The following ID2 variants were observed in gnomAD, a reference collection of about 807,000 sequenced individuals.
ID2 encodes inhibitor of DNA binding 2.
In ID2, 2 loss-of-function variants were observed where a neutral mutation model predicts 8.3. The observed-to-expected ratio is 0.24, with a 90% CI of 0.10 to 0.76. ID2 has a LOEUF of 0.76. ID2 is among the 30% of genes least tolerant of loss of function. The probability of loss-of-function intolerance (pLI) is 0.73; values close to 1 mark genes in which losing one functional copy is unlikely to be tolerated. For missense variants in ID2, 155 were observed against 167.0 expected (o/e 0.93, Z 0.40); for synonymous variants, 112 against 72.3 (o/e 1.55, Z -2.79).
chr2:8,684,040 G>C lies in ID2; in HGVS notation c.*363G>C, dbSNP rs955700680. 6.6e-6 allele frequency: 1 copy of C among 152,436 alleles called. No individual in the cohort carries two copies. Among genetic ancestry groups the C allele is most frequent in the African/African-American group, 2.4e-5 (1 of 41,426 alleles). 9.4% of individuals were successfully genotyped at this position (152,436 alleles called of 1,614,324 possible). ...TTTCAAAGGTGGAGCGTGAATACCA[G>C]AAGGATCCAGTATTCAGTCACTTAA... On this transcript the variant is annotated 3_prime_UTR_variant, in exon 3 of 3. Transcript: ENST00000396290.
intron 2 of ID2, 121 bp from the exon 3 acceptor site, chr2:8,683,564 G>A (rs1662153952): frequency 6.6e-6 from 1 of 152,250 alleles, no homozygotes; most frequent in Non-Finnish European, 1.5e-5. Flanking sequence ...GCCAGGGTTT[G>A]CCCAATCTTT....
chr2:8,682,718 G>A (rs1662116230), intron 1 of ID2, 125 bp from the exon 2 acceptor site: 5 of 767,134 alleles, frequency 6.5e-6, no homozygotes. Flanking sequence ...AATCTGAATT[G>A]TTACCATAAA....
At position 8,682,521 on chromosome 2, in the gene ID2, C is replaced by T. The variant is rs751759340; in HGVS notation, c.348+8C>T. On this transcript the variant is annotated splice_region_variant and intron_variant, in intron 1 of 2. Transcript: ENST00000396290. Reference sequence around the variant, plus strand: ...AGCATCCTGTCCTTGCAGGTAAGACCTGCTCCGGGGTCCCCGCCCCGCCGC... The same window carrying T: ...AGCATCCTGTCCTTGCAGGTAAGACTTGCTCCGGGGTCCCCGCCCCGCCGC... 1.2e-6 allele frequency: 2 copies of T among 1,604,104 alleles called. No homozygotes were observed. Among genetic ancestry groups the T allele is most frequent in the Non-Finnish European group, 1.7e-6 (2 of 1,173,398 alleles).
rs1426984585 is a variant in ID2 at position 8,683,948 on chromosome 2, TC to T, written c.*274del. On this transcript the variant is annotated 3_prime_UTR_variant, in exon 3 of 3. Coordinates refer to ENST00000396290, the MANE Select transcript of ID2 (RefSeq NM_002166.5). ...TTGGAAGGTTTTCTTTATATACTAT[TC>T]CCACCATGGGGAGCGAAAACGTTAA... 4 of 152,500 alleles carry T rather than the reference TC, an allele frequency of 2.6e-5. No homozygotes were observed. Among genetic ancestry groups the T allele is most frequent in the Non-Finnish European group, 5.9e-5 (4 of 68,048 alleles). 9.4% of individuals were successfully genotyped at this position (152,500 alleles called of 1,614,324 possible). A position where few individuals can be genotyped will look rare whatever the true frequency, so the allele number is the denominator to read the frequency against.
chr2:8,683,000 C>T lies in ID2; in HGVS notation c.*7+94C>T, dbSNP rs902126096. Reference sequence around the variant, plus strand: ...TTTTGCTTGTGTATCTATAAAATGTCTGATTTGGTAAATGCATGCTTACTT... The same window carrying T: ...TTTTGCTTGTGTATCTATAAAATGTTTGATTTGGTAAATGCATGCTTACTT... On this transcript the variant is annotated intron_variant, in intron 2 of 2. Transcript: ENST00000396290. 33 of 937,086 alleles carry T rather than the reference C, an allele frequency of 3.5e-5. 1 individual carries two copies. Among genetic ancestry groups the T allele is most frequent in the South Asian group, 3.2e-4 (25 of 77,380 alleles). The allele number at this position is 937,086 out of a possible 1,614,324, so 58.0% of individuals were successfully genotyped here. A position where few individuals can be genotyped will look rare whatever the true frequency, so the allele number is the denominator to read the frequency against.
At position 8,682,904 on chromosome 2, in the gene ID2, G is replaced by A. The variant is rs755701807; in HGVS notation, c.*5G>A. On this transcript the variant is annotated splice_region_variant and 3_prime_UTR_variant, in exon 2 of 3. Coordinates refer to ENST00000396290, the MANE Select transcript of ID2 (RefSeq NM_002166.5). ...AGCAAAGCACTGTGTGGCTGAATAA[G>A]CGGTGAGTGTTTGCTTGTGCCACCC... 1 of 1,613,448 alleles carries A rather than the reference G, an allele frequency of 6.2e-7. No individual in the cohort carries two copies. The highest frequency in any genetic ancestry group is 8.5e-7 in the Non-Finnish European group (1 of 1,179,400).
chr2:8,684,447 A>AAGTC lies in ID2; in HGVS notation c.*772_*775dup, dbSNP rs1662190272. On this transcript the variant is annotated 3_prime_UTR_variant, in exon 3 of 3. Transcript: ENST00000396290. ...ATAAGATTATAATAAAACATGTCTG[A>AAGTC]AGTCAATACCTGAATTCCGAGTGGT... The AAGTC allele has an allele frequency of 6.6e-6, 1 of 151,858 alleles. No homozygotes were observed. Among genetic ancestry groups the AAGTC allele is most frequent in the African/African-American group, 2.4e-5 (1 of 41,088 alleles). The allele number at this position is 151,858 out of a possible 1,614,324, so 9.4% of individuals were successfully genotyped here.
At chr2:8,682,781 A>AC in intron 1 of ID2, 62 bp from the exon 2 acceptor site, 11 of 1,250,664 alleles carry the variant, frequency 8.8e-6, no homozygotes, top group African/African-American at 8.5e-5. Flanking sequence ...AAAAAAAAAA[A>AC]AAAAAACCCT....
chr2:8,682,508 T>C lies in ID2; in HGVS notation c.343T>C (p.Leu115=). The C allele has an allele frequency of 1.2e-6, 2 of 1,611,968 alleles. No homozygotes were observed. Among genetic ancestry groups the C allele is most frequent in the Middle Eastern group, 1.7e-4 (1 of 6,058 alleles). ...TLNTDISILS[L]QASEFPSELM... ...CAACACGGATATCAGCATCCTGTCCTTGCAGGTAAGACCTGCTCCGGGGTC... is the reference window on the plus strand; with the variant it reads ...CAACACGGATATCAGCATCCTGTCCCTGCAGGTAAGACCTGCTCCGGGGTC... The change falls in exon 1 of 3, where the codon TTG becomes CTG. Residue 115 remains leucine (L), a synonymous_variant. Coordinates refer to ENST00000396290, the MANE Select transcript of ID2 (RefSeq NM_002166.5).
rs370283962 is a variant in ID2 at position 8,682,134 on chromosome 2, C to T, written c.-32C>T. 2.6e-5 allele frequency: 41 copies of T among 1,572,970 alleles called. No individual in the cohort carries two copies. The African/African-American group carries it at 4.2e-4, about 16-fold the overall frequency. Reference sequence around the variant, plus strand: ...GGCCTGAGCTTCAGGGCAGCCAGCTCCCTCCCGGTCTCGCCTTCCCTCGCG... The same window carrying T: ...GGCCTGAGCTTCAGGGCAGCCAGCTTCCTCCCGGTCTCGCCTTCCCTCGCG... On this transcript the variant is annotated 5_prime_UTR_variant, in exon 1 of 3. Coordinates refer to ENST00000396290, the MANE Select transcript of ID2 (RefSeq NM_002166.5).
chr2:8,682,331 A>G lies in ID2; in HGVS notation c.166A>G (p.Asn56Asp), dbSNP rs754358325. 2.5e-6 allele frequency: 4 copies of G among 1,614,108 alleles called. No individual in the cohort carries two copies. Among genetic ancestry groups the G allele is most frequent in the Non-Finnish European group, 1.7e-6 (2 of 1,180,036 alleles). ...GGAGCTGGTGCCCAGCATCCCCCAG[A>G]ACAAGAAGGTGAGCAAGATGGAAAT... is the stretch of plus-strand genomic sequence containing the variant. Reference protein sequence around the residue: ...LKELVPSIPQNKKVSKMEILQ... With the variant: ...LKELVPSIPQDKKVSKMEILQ... Residue 56 changes from asparagine (N) to aspartate (D), a missense_variant, in exon 1 of 3, where the codon AAC becomes GAC. This residue lies in a region of ID2 where 73 missense variants were observed against 72.2 expected (regional missense o/e 1.01). Transcript: ENST00000396290.
rs1430479811 is a variant in ID2 at position 8,682,423 on chromosome 2, C to T, written c.258C>T (p.Val86=). 1.9e-6 allele frequency: 3 copies of T among 1,613,788 alleles called. No individual in the cohort carries two copies. The highest frequency in any genetic ancestry group is 2.2e-5 in the East Asian group (1 of 44,876). ...CCCTGGACTCGCATCCCACTATTGT[C>T]AGCCTGCATCACCAGAGACCCGGGC... ...QIALDSHPTI[V]SLHHQRPGQN... Residue 86 remains valine, a synonymous_variant, in exon 1 of 3, where the codon GTC becomes GTT. Transcript: ENST00000396290.
chr2:8,682,953 G>A, intron 2 of ID2, 47 bp downstream of exon 2: 1 of 1,403,898 alleles, frequency 7.1e-7, no homozygotes, highest in Non-Finnish European at 1.0e-6. Flanking sequence ...CCCTCGGTGT[G>A]TGTGCGCGCG....
At position 8,683,197 on chromosome 2, in the gene ID2, T is replaced by G. The variant is rs1662140779; in HGVS notation, c.*7+291T>G. Among the ~76,000 whole-genome samples, 4 of 152,344 alleles carry G rather than the reference T, an allele frequency of 2.6e-5. 1 individual carries two copies. In the South Asian group the frequency reaches 8.3e-4, roughly 32 times the overall value. ...TGTAGCAAATGTAATGCCCTGGATC[T>G]TCCTACGAGTCCTCTGGTACTATGA... is the stretch of plus-strand genomic sequence containing the variant. On this transcript the variant is annotated intron_variant, in intron 2 of 2. Transcript: ENST00000396290.
chr2:8,682,762 C>CAAAAAAAA, intron 1 of ID2, 81 bp from the exon 2 acceptor site: 1 of 742,030 alleles, frequency 1.3e-6, no homozygotes, highest in Non-Finnish European at 2.1e-6. Context: ...CTGTGGACTA[C>CAAAAAAAA]AAAAAAAAAA....
Position 8,682,782 on chromosome 2 carries a change from A to ATC in ID2, c.349-61_349-60insTC. On this transcript the variant is annotated intron_variant, in intron 1 of 2. Transcript: ENST00000396290. ...GACTACAAAAAAAAAAAAAAAAAAA[A>ATC]AAAAACCCTTTCTACTTAACATTGT... 2 of 870,694 alleles carry ATC rather than the reference A, an allele frequency of 2.3e-6. 1 individual carries two copies. Among genetic ancestry groups the ATC allele is most frequent in the Non-Finnish European group, 3.6e-6 (2 of 553,570 alleles). The allele number at this position is 870,694 out of a possible 1,614,324, so 53.9% of individuals were successfully genotyped here.
chr2:8,683,782 A>AG lies in ID2; in HGVS notation c.*107dup, dbSNP rs1662162534. 1 of 152,304 alleles carries AG rather than the reference A, an allele frequency of 6.6e-6. No homozygotes were observed. The highest frequency in any genetic ancestry group is 1.5e-5 in the Non-Finnish European group (1 of 68,034). The allele number at this position is 152,304 out of a possible 1,614,324, so 9.4% of individuals were successfully genotyped here. On this transcript the variant is annotated 3_prime_UTR_variant, in exon 3 of 3. Coordinates refer to ENST00000396290, the MANE Select transcript of ID2 (RefSeq NM_002166.5). ...CTTATTTTTCAACCATTTCACAAGG[A>AG]GGACAAGTTGAATGGACCTTTTTAA...
rs543520892 is a variant in ID2, at chr2:8,684,063, T to G, written c.*386T>G. 4 of 152,520 alleles carry G rather than the reference T, an allele frequency of 2.6e-5. No individual in the cohort carries two copies. In the South Asian group the frequency reaches 8.3e-4, roughly 32 times the overall value. The allele number at this position is 152,520 out of a possible 1,614,324, so 9.4% of individuals were successfully genotyped here. ...CAGAAGGATCCAGTATTCAGTCACT[T>G]AAATGAAGTCTTTTGGTCAGAAATT... On this transcript the variant is annotated 3_prime_UTR_variant, in exon 3 of 3. Coordinates refer to ENST00000396290, the MANE Select transcript of ID2 (RefSeq NM_002166.5).
chr2:8,682,086 C>A lies in ID2; in HGVS notation c.-80C>A, dbSNP rs1159155597. The A allele has an allele frequency of 1.7e-6, 2 of 1,175,224 alleles. No individual in the cohort carries two copies. Among genetic ancestry groups the A allele is most frequent in the South Asian group, 1.3e-5 (1 of 74,562 alleles). 72.8% of individuals were successfully genotyped at this position (1,175,224 alleles called of 1,614,324 possible). A position where few individuals can be genotyped will look rare whatever the true frequency, so the allele number is the denominator to read the frequency against. On this transcript the variant is annotated 5_prime_UTR_variant, in exon 1 of 3. Transcript: ENST00000396290. ...GAGCCGAGCCCGGTGCCAAGCGCAG[C>A]TAGCTCAGCAGGCGGCAGCGGCGGC... is the stretch of plus-strand genomic sequence containing the variant.
Sources: gnomAD v4.1 joint callset for allele counts (sites outside exome capture counted in the v4.1 genomes callset) on GRCh38, gnomAD v4.1.1 for gene constraint, gnomAD v4.1.1 regional missense constraint, MANE v1.5 for transcripts, NCBI Gene and HGNC (gene_info 2026-07-23, HGNC 2026-07-21) for gene names.